Variants in NCK2 observed in about 807,000 individuals in gnomAD.
The protein encoded by NCK2 is NCK adaptor protein 2.
In NCK2, 16 loss-of-function variants were observed where a neutral mutation model predicts 33.9. The observed-to-expected ratio is 0.47, with a 90% confidence interval of 0.32 to 0.72. NCK2 has a LOEUF of 0.72. Ranked by LOEUF, NCK2 falls within the 30% of genes least tolerant of loss-of-function variation. NCK2 has a pLI of 0.03. For synonymous variants in NCK2, 273 were observed against 239.9 expected (o/e 1.14, Z -1.27); for missense variants, 418 against 537.3 (o/e 0.78, Z 2.19).
At chr2:105,814,066 A>G (rs566109397) in intron 1 of NCK2, among the ~76,000 whole-genome samples, 1 of 152,310 alleles carries the variant, frequency 6.6e-6, no homozygotes, top group African/African-American at 2.4e-5. Flanking sequence ...TCAGGCTGAT[A>G]CTGTTTTTTG....
intron 2 of NCK2, among the ~76,000 whole-genome samples, chr2:105,836,267 T>C (rs1019347127): frequency 6.6e-6 from 1 of 151,974 alleles, no homozygotes; most frequent in Non-Finnish European, 1.5e-5. Flanking sequence ...GTATCTTTCA[T>C]AGGGAACAGA....
chr2:105,755,270 C>A (rs1315082086), intron 1 of NCK2, among the ~76,000 whole-genome samples: 1 of 152,192 alleles, frequency 6.6e-6, no homozygotes, highest in Non-Finnish European at 1.5e-5. Flanking sequence ...GTGGCATTAT[C>A]ATCTTTTTTA....
rs1474844770 is a variant in NCK2, at chr2:105,798,351, G to A, written c.-200-18079G>A. Among the ~76,000 whole-genome samples, 15 of 152,124 alleles carry A rather than the reference G, an allele frequency of 9.9e-5. No homozygotes were observed. The East Asian group carries it at 2.7e-3, about 27-fold the overall frequency. On this transcript the variant is annotated intron_variant, in intron 1 of 4. Coordinates refer to ENST00000233154, the MANE Select transcript of NCK2 (RefSeq NM_003581.5). ...TACATCCAGAATATTCTTGAAACTG[G>A]GTTAGCTGAGTCATTTTTTTTTCTT... is the stretch of plus-strand genomic sequence containing the variant.
At chr2:105,875,794 TTGTTATAGGCGCC>T (rs2104643598) in intron 3 of NCK2, among the ~76,000 whole-genome samples, 1 of 152,324 alleles carries the variant, frequency 6.6e-6, no homozygotes, top group African/African-American at 2.4e-5. Flanking sequence ...TTACAGTATT[TTGTTATAGGCGCC>T]TGAACCAATT....
chr2:105,844,813 T>C (rs889156377), intron 2 of NCK2, among the ~76,000 whole-genome samples: 11 of 148,244 alleles, frequency 7.4e-5, no homozygotes, highest in Non-Finnish European at 4.5e-5. Flanking sequence ...TAAATATATA[T>C]ACATAAAAAT....
intron 1 of NCK2, among the ~76,000 whole-genome samples, chr2:105,769,595 G>C (rs965121568): frequency 1.9e-4 from 29 of 152,212 alleles, no homozygotes; most frequent in African/African-American, 7.0e-4. Context: ...TAAGAAATGG[G>C]ACGTGTGGGT....
chr2:105,807,365 G>T (rs1018086241), intron 1 of NCK2, among the ~76,000 whole-genome samples: 1 of 152,194 alleles, frequency 6.6e-6, no homozygotes, highest in Non-Finnish European at 1.5e-5. Context: ...ATTAATTCTG[G>T]GCTATGGGAA....
chr2:105,830,745 A>G (rs963066013), intron 2 of NCK2, among the ~76,000 whole-genome samples: 1 of 148,530 alleles, frequency 6.7e-6, no homozygotes, highest in African/African-American at 2.5e-5. Flanking sequence ...TCTCATTGAG[A>G]TGATACCTTA....
chr2:105,772,119 C>T (rs1025310199), intron 1 of NCK2, among the ~76,000 whole-genome samples: 5 of 150,490 alleles, frequency 3.3e-5, no homozygotes, highest in African/African-American at 1.2e-4. Context: ...GAGGGGGTAG[C>T]GTTTGCAGAG....
chr2:105,836,035 G>A (rs181587327), intron 2 of NCK2, among the ~76,000 whole-genome samples: 1 of 147,714 alleles, frequency 6.8e-6, no homozygotes, highest in African/African-American at 2.6e-5. Context: ...TGATTTCGTT[G>A]AATTTTCCAT....
chr2:105,839,701 G>A (rs1186917684), intron 2 of NCK2, among the ~76,000 whole-genome samples: 1 of 152,192 alleles, frequency 6.6e-6, no homozygotes, highest in Non-Finnish European at 1.5e-5. Flanking sequence ...AGGTAGCTGG[G>A]TGCAGGAGTC....
At chr2:105,815,535 G>A (rs879645680) in intron 1 of NCK2, among the ~76,000 whole-genome samples, 3 of 152,126 alleles carry the variant, frequency 2.0e-5, no homozygotes, top group Non-Finnish European at 2.9e-5. Context: ...GGGTCCCCTC[G>A]AAAACGTTAG....
chr2:105,761,539 A>G (rs963614775), intron 1 of NCK2, among the ~76,000 whole-genome samples: 1 of 152,126 alleles, frequency 6.6e-6, no homozygotes, highest in African/African-American at 2.4e-5. Context: ...ATTCATTCAC[A>G]TAGATATAAT....
chr2:105,854,920 A>G (rs1573207474), intron 2 of NCK2, 128 bp from the exon 3 acceptor site: 3 of 657,424 alleles, frequency 4.6e-6, no homozygotes, highest in Non-Finnish European at 5.4e-6. Context: ...TGAGCATTTC[A>G]AGACCCAGGA....
At chr2:105,772,365 G>A (rs573445577) in intron 1 of NCK2, among the ~76,000 whole-genome samples, 2 of 152,194 alleles carry the variant, frequency 1.3e-5, no homozygotes, top group South Asian at 4.2e-4. Flanking sequence ...GTTTGGTCAG[G>A]ATAAGAACCT....
intron 1 of NCK2, among the ~76,000 whole-genome samples, chr2:105,801,725 C>T (rs570469772): frequency 2.0e-5 from 3 of 152,068 alleles, no homozygotes; most frequent in South Asian, 2.1e-4. Context: ...GAGTGGCCCT[C>T]GGCTCAGTCC....
At chr2:105,820,336 A>C (rs1675677333) in intron 2 of NCK2, among the ~76,000 whole-genome samples, 1 of 152,228 alleles carries the variant, frequency 6.6e-6, no homozygotes, top group Admixed American at 6.5e-5. Flanking sequence ...AAGAAGTGAA[A>C]TAAATGCTGG....
At chr2:105,792,166 G>C (rs1690908024) in intron 1 of NCK2, among the ~76,000 whole-genome samples, 1 of 152,202 alleles carries the variant, frequency 6.6e-6, no homozygotes, top group Non-Finnish European at 1.5e-5. Context: ...GAGGTGCTTT[G>C]CGCACCTTCA....
At chr2:105,846,356 G>T (rs1473752042) in intron 2 of NCK2, among the ~76,000 whole-genome samples, 1 of 152,046 alleles carries the variant, frequency 6.6e-6, no homozygotes, top group African/African-American at 2.4e-5. Context: ...TAAATGAGTT[G>T]CTCAATGATG....
Sources: gnomAD v4.1 joint callset for allele counts (sites outside exome capture counted in the v4.1 genomes callset) on GRCh38, gnomAD v4.1.1 for gene constraint, MANE v1.5 for transcripts, NCBI Gene and HGNC (gene_info 2026-07-23, HGNC 2026-07-21) for gene names.